TRAPPC6B: variants seen among roughly 807,000 people sequenced by gnomAD.
The protein encoded by TRAPPC6B is TRAPP complex subunit 6B.
TRAPPC6B carries 27 observed loss-of-function variants against 24.7 expected under a neutral mutation model. That is an observed-to-expected ratio of 1.09 (90% CI 0.81 to 1.51). The LOEUF is 1.51. TRAPPC6B is among the 40% of genes most tolerant of loss of function. The pLI, the probability that TRAPPC6B is intolerant of heterozygous loss-of-function variation, is 0.00. For synonymous variants in TRAPPC6B, 80 were observed against 66.6 expected, an observed-to-expected ratio of 1.20 and a Z score of -0.98; for missense variants, 212 against 190.8, an observed-to-expected ratio of 1.11 and a Z score of -0.66.
At chr14:39,151,207 C>A (rs143519998) in intron 5 of TRAPPC6B, among the ~76,000 whole-genome samples, 1 of 151,698 alleles carries the variant, frequency 6.6e-6, no homozygotes, top group Non-Finnish European at 1.5e-5. Context: ...CTGGCTAACA[C>A]GGTGAAACCC....
At chr14:39,158,523 T>C in intron 2 of TRAPPC6B, 121 bp from the exon 3 acceptor site, 1 of 642,366 alleles carries the variant, frequency 1.6e-6, no homozygotes. Flanking sequence ...TTTTTAATTT[T>C]AATTTTTTTT....
intron 3 of TRAPPC6B, among the ~76,000 whole-genome samples, chr14:39,155,964 C>T (rs58994130): frequency 0.03 from 4,540 of 151,942 alleles, 226 homozygotes; most frequent in African/African-American, 0.1. Context: ...AAATTTTTTT[C>T]AAGTTTTTTG....
At chr14:39,169,095 A>G (rs1275883404) in intron 1 of TRAPPC6B, among the ~76,000 whole-genome samples, 1 of 152,172 alleles carries the variant, frequency 6.6e-6, no homozygotes, top group Non-Finnish European at 1.5e-5. Flanking sequence ...TACATTTCCT[A>G]TCCCCACTCT....
intron 1 of TRAPPC6B, among the ~76,000 whole-genome samples, chr14:39,168,934 C>T (rs1457231846): frequency 6.6e-6 from 1 of 152,164 alleles, no homozygotes; most frequent in Non-Finnish European, 1.5e-5. Flanking sequence ...AATATTCCCT[C>T]GAAAAGATCC....
intron 5 of TRAPPC6B, 82 bp from the exon 6 acceptor site, chr14:39,150,463 G>T: frequency 1.9e-6 from 2 of 1,032,040 alleles, no homozygotes; most frequent in Non-Finnish European, 2.8e-6. Flanking sequence ...TTCCATATAG[G>T]AAATAGTTTC....
intron 3 of TRAPPC6B, chr14:39,157,520 T>C (rs2052997110): frequency 7.6e-6 from 3 of 395,224 alleles, no homozygotes; most frequent in South Asian, 5.7e-5. Context: ...AAGGCTCAGC[T>C]GGTGGTGACT....
Position 39,170,157 on chromosome 14 carries a change from A to G in TRAPPC6B, c.-62T>C, listed in dbSNP as rs2139393906. 3 of 1,560,618 alleles carry G rather than the reference A, an allele frequency of 1.9e-6. No individual in the cohort carries two copies. The highest frequency in any genetic ancestry group is 2.6e-6 in the Non-Finnish European group (3 of 1,140,386). On this transcript the variant is annotated 5_prime_UTR_variant, in exon 1 of 6. Coordinates refer to ENST00000330149, the MANE Select transcript of TRAPPC6B (RefSeq NM_001079537.2). ...CCGTTTGAGCTGGTCTGGGGGTTCC[A>G]GCTCGCGCCTCAGCGACTTCGCCGG...
intron 1 of TRAPPC6B, among the ~76,000 whole-genome samples, chr14:39,163,680 C>G (rs1251242393): frequency 6.6e-6 from 1 of 150,822 alleles, no homozygotes; most frequent in Admixed American, 6.6e-5. Context: ...ATTCTGAAGG[C>G]TGTTTGTCTC....
chr14:39,154,373 T>A, intron 3 of TRAPPC6B, 79 bp from the exon 4 acceptor site: 1 of 915,740 alleles, frequency 1.1e-6, no homozygotes, highest in Non-Finnish European at 1.7e-6. Flanking sequence ...ATGAAACAAT[T>A]TAAGTGTTTT....
intron 1 of TRAPPC6B, among the ~76,000 whole-genome samples, chr14:39,169,540 T>G (rs868841548): frequency 3.5e-4 from 53 of 152,324 alleles, no homozygotes; most frequent in Middle Eastern, 3.4e-3. Context: ...CTGCAAACTT[T>G]CCTTTGCAAA....
intron 4 of TRAPPC6B, among the ~76,000 whole-genome samples, chr14:39,153,016 G>A (rs1370695743): frequency 6.6e-6 from 1 of 152,006 alleles, no homozygotes; most frequent in Non-Finnish European, 1.5e-5. Context: ...CATTTTGGGT[G>A]GCTTTTGTAA....
rs760137073 is a variant in TRAPPC6B at position 39,170,133 on chromosome 14, C to T, written c.-38G>A. On this transcript the variant is annotated 5_prime_UTR_variant, in exon 1 of 6. Coordinates refer to ENST00000330149, the MANE Select transcript of TRAPPC6B (RefSeq NM_001079537.2). ...CTTCCAAGCTTCGAGTTTTGGCTCC[C>T]GTTTGAGCTGGTCTGGGGGTTCCAG... The T allele has an allele frequency of 1.4e-5, 23 of 1,608,912 alleles. No individual in the cohort carries two copies. Among genetic ancestry groups the T allele is most frequent in the Non-Finnish European group, 1.9e-5 (22 of 1,175,640 alleles).
At chr14:39,164,533 T>G (rs11157047) in intron 1 of TRAPPC6B, among the ~76,000 whole-genome samples, 1 of 152,040 alleles carries the variant, frequency 6.6e-6, no homozygotes, top group Non-Finnish European at 1.5e-5. Context: ...TTTCAGCACC[T>G]GCTCCCCTTT....
rs1566548933 is a variant in TRAPPC6B at position 39,159,531 on chromosome 14, G to GTA, written c.99_100dup (p.Thr34IlefsTer15). 1.2e-6 allele frequency: 2 copies of GTA among 1,604,156 alleles called. No individual in the cohort carries two copies. Among genetic ancestry groups the GTA allele is most frequent in the Admixed American group, 3.4e-5 (2 of 58,910 alleles). Reference sequence around the variant, plus strand: ...TCGAAACCCCATGTTTTCCAGCTTAGTAATACATCGTCCGTTTTCCTATTT... The same window carrying GTA: ...TCGAAACCCCATGTTTTCCAGCTTAGTATAATACATCGTCCGTTTTCCTATTT... On this transcript the variant is annotated frameshift_variant, in exon 2 of 6. Coordinates refer to ENST00000330149, the MANE Select transcript of TRAPPC6B (RefSeq NM_001079537.2). LOFTEE classifies it high-confidence loss of function.
chr14:39,164,814 G>A (rs1362530877), intron 1 of TRAPPC6B, among the ~76,000 whole-genome samples: 3 of 152,160 alleles, frequency 2.0e-5, no homozygotes, highest in Non-Finnish European at 2.9e-5. Flanking sequence ...TCTAGACCGG[G>A]CAACAGAGTG....
intron 3 of TRAPPC6B, 98 bp downstream of exon 3, chr14:39,158,187 A>C (rs753144244): frequency 9.7e-5 from 67 of 693,692 alleles, no homozygotes; most frequent in Non-Finnish European, 1.2e-4. Flanking sequence ...TTCCAAAGTT[A>C]ACCAGAAATT....
intron 1 of TRAPPC6B, among the ~76,000 whole-genome samples, chr14:39,161,459 AAC>A (rs1213272914): frequency 3.3e-5 from 5 of 152,226 alleles, no homozygotes; most frequent in Non-Finnish European, 5.9e-5. Context: ...GAGGTCTATG[AAC>A]AGTCACTTTT....
intron 1 of TRAPPC6B, among the ~76,000 whole-genome samples, chr14:39,166,412 A>G (rs1241120039): frequency 6.6e-6 from 1 of 152,236 alleles, no homozygotes; most frequent in Non-Finnish European, 1.5e-5. Flanking sequence ...TAACAGTAAG[A>G]AAATCATGAC....
chr14:39,167,047 C>A (rs72673350), intron 1 of TRAPPC6B, among the ~76,000 whole-genome samples: 12,597 of 152,260 alleles, frequency 0.083, 574 homozygotes, highest in African/African-American at 0.12. Flanking sequence ...TGGGCAGTTA[C>A]AATATGCTTA....
Sources: allele counts gnomAD v4.1 joint callset (sites outside exome capture counted in the v4.1 genomes callset), GRCh38; gene constraint gnomAD v4.1.1; transcripts MANE v1.5; gene names NCBI Gene and HGNC (gene_info 2026-07-23, HGNC 2026-07-21).